The following ZNF383 variants were observed in gnomAD, a reference collection of about 807,000 sequenced individuals.
The protein encoded by ZNF383 is zinc finger protein 383.
Under a neutral mutation model 44.2 loss-of-function variants are expected in ZNF383, and 32 were observed. The observed-to-expected ratio is 0.72, with a 90% confidence interval of 0.55 to 0.97. ZNF383 has a LOEUF of 0.97. Among genes scored for constraint, ZNF383 ranks in the 50% least tolerant of loss-of-function variants. The probability of loss-of-function intolerance (pLI) is 0.00; values close to 1 mark genes in which losing one functional copy is unlikely to be tolerated. For synonymous variants in ZNF383, 155 were observed against 186.2 expected (o/e 0.83, Z 1.36); for missense variants, 487 against 562.5 (o/e 0.87, Z 1.36).
At chr19:37,223,672 A>C (rs1484353215) in intron 1 of ZNF383, among the ~76,000 whole-genome samples, 1 of 152,196 alleles carries the variant, frequency 6.6e-6, no homozygotes, top group Non-Finnish European at 1.5e-5. Flanking sequence ...GAAAAATAAC[A>C]TACCAAAATT....
In ZNF383 at chr19:37,243,763, A is replaced by C; in HGVS notation, c.*99A>C. On this transcript the variant is annotated 3_prime_UTR_variant, in exon 6 of 6. Coordinates refer to ENST00000684119, the MANE Select transcript of ZNF383 (RefSeq NM_001387601.1). ...AGTTTTTTTTAAAACTTTGTATTTA[A>C]ATTTTGTATCCAAATGTATTTCATT... is the stretch of plus-strand genomic sequence containing the variant. 1 of 797,106 alleles carries C rather than the reference A, an allele frequency of 1.3e-6. No individual in the cohort carries two copies. The highest frequency in any genetic ancestry group is 1.9e-6 in the Non-Finnish European group (1 of 537,662). 49.4% of individuals were successfully genotyped at this position (797,106 alleles called of 1,614,324 possible).
intron 5 of ZNF383, among the ~76,000 whole-genome samples, chr19:37,239,011 G>A (rs969116439): frequency 1.3e-5 from 2 of 152,046 alleles, no homozygotes; most frequent in Admixed American, 6.6e-5. Context: ...CCTCCACCCC[G>A]CAGGTTCAAG....
In ZNF383 at chr19:37,229,632, G is replaced by A. The variant is rs1297358842; in HGVS notation, c.-45-777G>A. Among the ~76,000 whole-genome samples, 80 of 140,664 alleles carry A rather than the reference G, an allele frequency of 5.7e-4. 1 individual carries two copies. The South Asian group carries it at 8.0e-3, about 14-fold the overall frequency. The allele number at this position is 140,664 out of a possible 152,430, so 92.3% of individuals were successfully genotyped here. The stretch of plus-strand genomic sequence containing the variant: ...TATATATATGTGTGTGTGTGTGTGT[G>A]TATATATATATATATGTATATATAT... On this transcript the variant is annotated intron_variant, in intron 2 of 5. Coordinates refer to ENST00000684119, the MANE Select transcript of ZNF383 (RefSeq NM_001387601.1).
At chr19:37,225,814 G>A (rs1357440396) in intron 2 of ZNF383, among the ~76,000 whole-genome samples, 2 of 149,476 alleles carry the variant, frequency 1.3e-5, no homozygotes, top group African/African-American at 2.5e-5. Flanking sequence ...TTTTGAGAAG[G>A]AGTCTCGCTC....
chr19:37,224,709 A>G (rs906011737), intron 1 of ZNF383, 109 bp from the exon 2 acceptor site: 1 of 146,140 alleles, frequency 6.8e-6, no homozygotes, highest in African/African-American at 2.5e-5. Flanking sequence ...ATGTGCCACC[A>G]TGCCCAGCTA....
rs1974412093 is a variant in ZNF383, at chr19:37,247,565, C to T, written c.*3901C>T. ...TAAGGCTGGTTGCAGTGGCTCATGCCTGTAATTCCAGCACTTTGGGAGGCT... is the reference window on the plus strand; with the variant it reads ...TAAGGCTGGTTGCAGTGGCTCATGCTTGTAATTCCAGCACTTTGGGAGGCT... On this transcript the variant is annotated 3_prime_UTR_variant, in exon 6 of 6. Coordinates refer to ENST00000684119, the MANE Select transcript of ZNF383 (RefSeq NM_001387601.1). The T allele has an allele frequency of 6.6e-6, 1 of 152,004 alleles. No individual in the cohort carries two copies. Among genetic ancestry groups the T allele is most frequent in the South Asian group, 2.1e-4 (1 of 4,820 alleles). 9.4% of individuals were successfully genotyped at this position (152,004 alleles called of 1,614,324 possible).
Position 37,245,409 on chromosome 19 carries a change from C to T in ZNF383, c.*1745C>T, listed in dbSNP as rs1974325619. The T allele has an allele frequency of 6.6e-6, 1 of 152,116 alleles. No homozygotes were observed. Among genetic ancestry groups the T allele is most frequent in the South Asian group, 2.1e-4 (1 of 4,824 alleles). 9.4% of individuals were successfully genotyped at this position (152,116 alleles called of 1,614,324 possible). The stretch of plus-strand genomic sequence containing the variant: ...CCTTACATCAATCCTAATCCCAATG[C>T]CATACTAGAAAGTAACACTGTTATG... On this transcript the variant is annotated 3_prime_UTR_variant, in exon 6 of 6. Transcript: ENST00000684119.
intron 5 of ZNF383, among the ~76,000 whole-genome samples, chr19:37,238,687 G>A (rs1355968662): frequency 7.2e-5 from 11 of 152,220 alleles, no homozygotes; most frequent in Admixed American, 7.2e-4. Flanking sequence ...AGGCTTATGA[G>A]TGTTTGCATG....
At chr19:37,222,243 A>G (rs62107480) in intron 1 of ZNF383, among the ~76,000 whole-genome samples, 1 of 151,820 alleles carries the variant, frequency 6.6e-6, no homozygotes, top group Non-Finnish European at 1.5e-5. Flanking sequence ...CGTATGTAAT[A>G]TGAATGTATT....
At chr19:37,236,917 C>T (rs1242215858) in intron 5 of ZNF383, among the ~76,000 whole-genome samples, 1 of 151,246 alleles carries the variant, frequency 6.6e-6, no homozygotes, top group African/African-American at 2.4e-5. Flanking sequence ...CTACCACTCC[C>T]CAAAATAATA....
In ZNF383 at chr19:37,246,678, A is replaced by T. The variant is rs1444544985; in HGVS notation, c.*3014A>T. ...GTGTTGCATGCCTGTAATCCTAGCT[A>T]CTCAAGAGGCTGAGGTGGGAGGATT... On this transcript the variant is annotated 3_prime_UTR_variant, in exon 6 of 6. Coordinates refer to ENST00000684119, the MANE Select transcript of ZNF383 (RefSeq NM_001387601.1). 1 of 152,122 alleles carries T rather than the reference A, an allele frequency of 6.6e-6. No homozygotes were observed. The highest frequency in any genetic ancestry group is 1.5e-5 in the Non-Finnish European group (1 of 68,030). 9.4% of individuals were successfully genotyped at this position (152,122 alleles called of 1,614,324 possible). A position where few individuals can be genotyped will look rare whatever the true frequency, so the allele number is the denominator to read the frequency against.
intron 3 of ZNF383, among the ~76,000 whole-genome samples, chr19:37,232,640 A>G (rs963094670): frequency 2.6e-5 from 4 of 152,164 alleles, no homozygotes; most frequent in African/African-American, 9.7e-5. Flanking sequence ...TTCTTCCTTC[A>G]TAGATTAAGT....
At chr19:37,229,298 G>A (rs1302971373) in intron 2 of ZNF383, among the ~76,000 whole-genome samples, 1 of 150,842 alleles carries the variant, frequency 6.6e-6, no homozygotes, top group East Asian at 1.9e-4. Context: ...AAGATTACGG[G>A]CATGTGTCAC....
At chr19:37,235,480 A>T in intron 3 of ZNF383, 69 bp from the exon 4 acceptor site, 1 of 1,547,090 alleles carries the variant, frequency 6.5e-7, no homozygotes, top group Non-Finnish European at 8.9e-7. Flanking sequence ...ATTACCCCAC[A>T]ATACAAGCAT....
intron 3 of ZNF383, among the ~76,000 whole-genome samples, chr19:37,232,802 G>A (rs896803218): frequency 2.0e-5 from 3 of 152,180 alleles, no homozygotes; most frequent in African/African-American, 7.2e-5. Flanking sequence ...TTGTCCAAAA[G>A]TGACCAATAA....
At chr19:37,219,210 C>A (rs1347133554) in intron 1 of ZNF383, 3 of 152,068 alleles carry the variant, frequency 2.0e-5, no homozygotes, top group Admixed American at 1.3e-4. Context: ...GAGACCTCAC[C>A]CCTCTGATAC....
At chr19:37,235,323 C>G (rs1012472057) in intron 3 of ZNF383, among the ~76,000 whole-genome samples, 1 of 151,564 alleles carries the variant, frequency 6.6e-6, no homozygotes, top group African/African-American at 2.4e-5. Context: ...TAGGGATGCT[C>G]GTTGCTACTG....
chr19:37,236,598 T>TC (rs1973806765), intron 5 of ZNF383, among the ~76,000 whole-genome samples: 1 of 147,420 alleles, frequency 6.8e-6, no homozygotes, highest in Non-Finnish European at 1.5e-5. Flanking sequence ...TGAGACGGAG[T>TC]CTCGCTCCGT....
intron 2 of ZNF383, among the ~76,000 whole-genome samples, chr19:37,225,957 C>CTTTTTTTT (rs35639012): frequency 2.2e-5 from 3 of 138,084 alleles, no homozygotes; most frequent in African/African-American, 5.4e-5. Context: ...GTCTAACTAA[C>CTTTTTTTT]TTTTTTTTTT....
Sources: gnomAD v4.1 joint callset for allele counts (sites outside exome capture counted in the v4.1 genomes callset) on GRCh38, gnomAD v4.1.1 for gene constraint, MANE v1.5 for transcripts, NCBI Gene and HGNC (gene_info 2026-07-23, HGNC 2026-07-21) for gene names.